The following PMEPA1 variants were observed in gnomAD, a reference collection of about 807,000 sequenced individuals.
The protein encoded by PMEPA1 is protein TMEPAI.
A neutral mutation model predicts 23.0 loss-of-function variants in PMEPA1; 11 were observed. The observed-to-expected ratio is 0.48, with a 90% CI of 0.30 to 0.79. The LOEUF is 0.79. PMEPA1 is among the 30% of genes least tolerant of loss of function. The pLI is 0.06. For synonymous variants in PMEPA1, 204 were observed against 166.4 expected (o/e 1.23, Z -1.74); for missense variants, 377 against 390.9 (o/e 0.96, Z 0.30).
At chr20:57,681,628 C>T (rs1319111907) in intron 1 of PMEPA1, among the ~76,000 whole-genome samples, 2 of 152,174 alleles carry the variant, frequency 1.3e-5, no homozygotes, top group Non-Finnish European at 2.9e-5. Flanking sequence ...AATAATAGAG[C>T]TCTCCACGTA....
At chr20:57,710,503 A>G, upstream of PMEPA1, 2 of 1,601,396 alleles carry the variant, frequency 1.2e-6, no homozygotes, top group Non-Finnish European at 1.7e-6. Flanking sequence ...TCAGTTCTCC[A>G]GCAGCTCGGG....
intron 1 of PMEPA1, among the ~76,000 whole-genome samples, chr20:57,689,197 G>C: frequency 6.6e-6 from 1 of 152,330 alleles, no homozygotes; most frequent in South Asian, 2.1e-4. Flanking sequence ...CAGGCGGAGG[G>C]AGAACTGGCC....
chr20:57,695,269 G>C (rs899869904), intron 1 of PMEPA1, among the ~76,000 whole-genome samples: 1 of 152,278 alleles, frequency 6.6e-6, no homozygotes, highest in Non-Finnish European at 1.5e-5. Context: ...TGGCAACAGC[G>C]GCTGATGGGC....
At chr20:57,654,087 C>T (rs1316960858) in intron 2 of PMEPA1, among the ~76,000 whole-genome samples, 1 of 152,138 alleles carries the variant, frequency 6.6e-6, no homozygotes, top group Non-Finnish European at 1.5e-5. Flanking sequence ...TGCAGGGGCA[C>T]AGCTGCCACT....
Position 57,655,908 on chromosome 20 carries a change from G to A in PMEPA1, c.265-2822C>T, listed in dbSNP as rs1161769274. ...AACCCTGCTGCTACAGCCAAGCGCAGCTATGGGCAAAACGCACTCGAAAAC... is the reference window on the plus strand; with the variant it reads ...AACCCTGCTGCTACAGCCAAGCGCAACTATGGGCAAAACGCACTCGAAAAC... On this transcript the variant is annotated intron_variant, in intron 2 of 3. Transcript: ENST00000341744. The surrounding 1 kb of genome is among the most constrained non-coding windows in gnomAD (Gnocchi z 4.2). Among the ~76,000 whole-genome samples, 2 of 152,154 alleles carry A rather than the reference G, an allele frequency of 1.3e-5. No homozygotes were observed. Among genetic ancestry groups the A allele is most frequent in the Non-Finnish European group, 2.9e-5 (2 of 68,048 alleles).
In PMEPA1 at chr20:57,704,774, G is replaced by T. The variant is rs773092800; in HGVS notation, c.109+4700C>A. 6.6e-6 allele frequency among the ~76,000 whole-genome samples: 1 copy of T among 152,192 alleles called. No homozygotes were observed. On this transcript the variant is annotated intron_variant, in intron 1 of 3. Coordinates refer to ENST00000341744, the MANE Select transcript of PMEPA1 (RefSeq NM_020182.5). This position sits in a 1 kb window ranked among gnomAD's most constrained non-coding sequence, Gnocchi z 4.6. ...GGGCCACGATGGGAGTGGAGATGGT[G>T]GGGGCAGGCATGTGGGCACACCTGA...
upstream of PMEPA1, chr20:57,710,719 G>C: frequency 2.1e-6 from 1 of 468,702 alleles, no homozygotes; most frequent in Admixed American, 4.0e-5. Context: ...CGGCTGGGGG[G>C]CGCGGCTGCG....
intron 1 of PMEPA1, among the ~76,000 whole-genome samples, chr20:57,685,781 T>C (rs2071793381): frequency 6.6e-6 from 1 of 152,162 alleles, no homozygotes; most frequent in Admixed American, 6.5e-5. Flanking sequence ...AATTTTGTTG[T>C]AGCACTGTTC....
intron 1 of PMEPA1, among the ~76,000 whole-genome samples, chr20:57,699,150 C>T (rs2071979340): frequency 6.6e-6 from 1 of 152,208 alleles, no homozygotes; most frequent in African/African-American, 2.4e-5. Flanking sequence ...GCATCTGAAC[C>T]TTATGGGACA....
chr20:57,659,021 T>C (rs2071367657), intron 2 of PMEPA1, among the ~76,000 whole-genome samples: 1 of 152,196 alleles, frequency 6.6e-6, no homozygotes, highest in East Asian at 1.9e-4. Flanking sequence ...TAGGTCTGTC[T>C]CCACTCAGCC....
intron 1 of PMEPA1, among the ~76,000 whole-genome samples, chr20:57,689,728 C>A (rs1186466434): frequency 6.6e-6 from 1 of 152,232 alleles, no homozygotes; most frequent in Non-Finnish European, 1.5e-5. Context: ...CTGAATCTGC[C>A]TCCCAGGGCC....
rs2072150405 is a variant in PMEPA1 at position 57,709,993 on chromosome 20, C to G, written c.-411G>C. 2.9e-5 allele frequency: 29 copies of G among 991,404 alleles called. 1 individual carries two copies. The South Asian group carries it at 1.1e-3, about 37-fold the overall frequency. 61.4% of individuals were successfully genotyped at this position (991,404 alleles called of 1,614,324 possible). On this transcript the variant is annotated 5_prime_UTR_variant, in exon 1 of 4. Coordinates refer to ENST00000341744, the MANE Select transcript of PMEPA1 (RefSeq NM_020182.5). The stretch of plus-strand genomic sequence containing the variant: ...TCGGGTTTCGCTCCGAGACCGCGGT[C>G]GGAGGCAGGCAGACGGTCTGACGTC...
intron 1 of PMEPA1, among the ~76,000 whole-genome samples, chr20:57,695,311 C>T (rs995510665): frequency 1.3e-5 from 2 of 152,282 alleles, no homozygotes; most frequent in African/African-American, 4.8e-5. Context: ...GGAGTCTGTC[C>T]AGTCTCCAAG....
intron 1 of PMEPA1, among the ~76,000 whole-genome samples, chr20:57,666,532 G>A (rs750014355): frequency 2.0e-5 from 3 of 152,176 alleles, no homozygotes; most frequent in South Asian, 2.1e-4. Flanking sequence ...CCGTTTGCCC[G>A]ACCCCCAGCA....
chr20:57,662,891 A>T (rs1325181156), intron 1 of PMEPA1, among the ~76,000 whole-genome samples: 1 of 152,100 alleles, frequency 6.6e-6, no homozygotes, highest in Admixed American at 6.5e-5. Flanking sequence ...CAGCAGTGAG[A>T]CGGTAGCTGG....
intron 2 of PMEPA1, among the ~76,000 whole-genome samples, 189 bp from the exon 3 acceptor site, chr20:57,653,275 C>T (rs1227768968): frequency 6.6e-6 from 1 of 152,180 alleles, no homozygotes; most frequent in Non-Finnish European, 1.5e-5. Context: ...GCGCAATCAC[C>T]TCCTCACTGA....
intron 1 of PMEPA1, among the ~76,000 whole-genome samples, chr20:57,675,735 A>G (rs547801313): frequency 3.9e-5 from 6 of 152,134 alleles, no homozygotes; most frequent in Non-Finnish European, 7.4e-5. Context: ...AACGTGTCCA[A>G]GGGTGTCTGT....
At chr20:57,665,525 A>G (rs1168133897) in intron 1 of PMEPA1, among the ~76,000 whole-genome samples, 1 of 151,474 alleles carries the variant, frequency 6.6e-6, no homozygotes, top group Non-Finnish European at 1.5e-5. Context: ...AAAAAAAAAA[A>G]GAACCAACCG....
rs554695173 is a variant in PMEPA1, at chr20:57,684,696, T to C, written c.109+24778A>G. 3.9e-5 allele frequency among the ~76,000 whole-genome samples: 6 copies of C among 152,376 alleles called. No individual in the cohort carries two copies. The South Asian group carries it at 1.2e-3, about 32-fold the overall frequency. ...AATTAATGCATCTATTTGGCAGAAC[T>C]AAAACCTCGGACGCATTCAACTAGC... On this transcript the variant is annotated intron_variant, in intron 1 of 3. Transcript: ENST00000341744.
Sources: allele counts gnomAD v4.1 joint callset (sites outside exome capture counted in the v4.1 genomes callset), GRCh38; gene constraint gnomAD v4.1.1; non-coding constraint Gnocchi (gnomAD v3.1); transcripts MANE v1.5; gene names NCBI Gene and HGNC (gene_info 2026-07-23, HGNC 2026-07-21).